Variants in FER observed in about 807,000 individuals in gnomAD.
FER encodes FER tyrosine kinase, also known as tyrosine-protein kinase Fer.
Under a neutral mutation model 111.0 loss-of-function variants are expected in FER, and 63 were observed. That is an observed-to-expected ratio of 0.57 (90% CI 0.46 to 0.70). FER has a LOEUF of 0.70. Among genes scored for constraint, FER ranks in the 30% least tolerant of loss-of-function variants. FER has a pLI of 0.00. For missense variants in FER, 914 were observed against 954.0 expected, an observed-to-expected ratio of 0.96 and a Z score of 0.55; for synonymous variants, 327 against 313.9, an observed-to-expected ratio of 1.04 and a Z score of -0.44.
chr5:109,112,115 G>T (rs2126414038), intron 17 of FER, among the ~76,000 whole-genome samples: 1 of 151,736 alleles, frequency 6.6e-6, no homozygotes, highest in South Asian at 2.1e-4. Context: ...GGGTTATAAT[G>T]TTAACCTACC....
rs185657250 is a variant in FER at position 109,190,470 on chromosome 5, G to A, written c.*2895G>A. 6.6e-6 allele frequency: 1 copy of A among 152,014 alleles called. No individual in the cohort carries two copies. Among genetic ancestry groups the A allele is most frequent in the Non-Finnish European group, 1.5e-5 (1 of 68,004 alleles). 9.4% of individuals were successfully genotyped at this position (152,014 alleles called of 1,614,324 possible). ...TCTGTGTCTCACTGGTCACTAAGGG[G>A]CCTTTATGAGACAGTTTAGGTTGTT... On this transcript the variant is annotated 3_prime_UTR_variant, in exon 20 of 20. Transcript: ENST00000281092.
At chr5:108,884,512 G>GTTTTTTTTTTTTTTTTTTTTT (rs776345488) in intron 9 of FER, among the ~76,000 whole-genome samples, 3 of 144,540 alleles carry the variant, frequency 2.1e-5, no homozygotes, top group African/African-American at 7.7e-5. Flanking sequence ...CTTATGCCTG[G>GTTTTTTTTTTTTTTTTTTTTT]TTTTTTTTTT....
chr5:108,929,206 CTGTT>C (rs1472771390), intron 10 of FER, among the ~76,000 whole-genome samples: 5 of 152,066 alleles, frequency 3.3e-5, no homozygotes, highest in Admixed American at 6.5e-5. Context: ...TAAAAACAGA[CTGTT>C]TGTTTTGTTT....
chr5:108,873,525 GA>G (rs1243839193), intron 8 of FER, among the ~76,000 whole-genome samples: 1 of 152,202 alleles, frequency 6.6e-6, no homozygotes, highest in Non-Finnish European at 1.5e-5. Flanking sequence ...TGTACAAGAT[GA>G]AGGCTTAGTA....
intron 13 of FER, among the ~76,000 whole-genome samples, chr5:109,009,717 C>G (rs1375818692): frequency 6.6e-6 from 1 of 152,162 alleles, no homozygotes; most frequent in Admixed American, 6.5e-5. Flanking sequence ...TTTTATGTTT[C>G]TCATGATTCT....
At chr5:108,986,238 G>A (rs1001602549) in intron 13 of FER, among the ~76,000 whole-genome samples, 3 of 149,778 alleles carry the variant, frequency 2.0e-5, no homozygotes, top group Non-Finnish European at 3.0e-5. Context: ...TATATCTTCT[G>A]TTGAGAATTG....
At chr5:109,104,020 T>TG (rs771726533) in intron 17 of FER, among the ~76,000 whole-genome samples, 28 of 152,298 alleles carry the variant, frequency 1.8e-4, no homozygotes, top group Non-Finnish European at 2.9e-4. Context: ...ATGGGGAGTT[T>TG]GGGGAACATT....
chr5:108,834,368 A>C (rs1760377009), intron 4 of FER, among the ~76,000 whole-genome samples: 1 of 152,130 alleles, frequency 6.6e-6, no homozygotes, highest in African/African-American at 2.4e-5. Context: ...AACTTGACTA[A>C]TTGGTTCCAG....
intron 8 of FER, among the ~76,000 whole-genome samples, chr5:108,878,695 A>T (rs1765341146): frequency 6.6e-6 from 1 of 152,174 alleles, no homozygotes; most frequent in South Asian, 2.1e-4. Flanking sequence ...ACAAACTTAC[A>T]AATACAAAAT....
intron 10 of FER, among the ~76,000 whole-genome samples, chr5:108,901,420 G>A: frequency 6.6e-6 from 1 of 152,006 alleles, no homozygotes. Flanking sequence ...TGGAGTATAA[G>A]GAAAAGTGCT....
At chr5:109,182,785 T>C (rs1758415491) in intron 18 of FER, among the ~76,000 whole-genome samples, 1 of 152,236 alleles carries the variant, frequency 6.6e-6, no homozygotes, top group Admixed American at 6.5e-5. Context: ...CAATTCTGGA[T>C]ATATCTAACA....
intron 17 of FER, among the ~76,000 whole-genome samples, chr5:109,136,708 A>C (rs1450011012): frequency 6.6e-6 from 1 of 152,086 alleles, no homozygotes; most frequent in Non-Finnish European, 1.5e-5. Context: ...AGCTTCATTC[A>C]AGGTTTTCTA....
At chr5:109,071,608 C>T (rs1238421852) in intron 16 of FER, among the ~76,000 whole-genome samples, 1 of 151,826 alleles carries the variant, frequency 6.6e-6, no homozygotes, top group Non-Finnish European at 1.5e-5. Context: ...TCCCACAAAT[C>T]AGTCTATAAC....
chr5:108,915,568 T>C (rs1752161420), intron 10 of FER, among the ~76,000 whole-genome samples: 1 of 151,900 alleles, frequency 6.6e-6, no homozygotes, highest in South Asian at 2.1e-4. Context: ...GCCTGAGCGT[T>C]GTTCTTATTC....
chr5:109,125,706 A>G (rs867291235), intron 17 of FER, among the ~76,000 whole-genome samples: 12 of 152,204 alleles, frequency 7.9e-5, no homozygotes, highest in African/African-American at 2.7e-4. Flanking sequence ...AGGTAACAGA[A>G]CTGGATTTTT....
intron 5 of FER, among the ~76,000 whole-genome samples, chr5:108,854,946 C>CAAAAA (rs34850507): frequency 8.2e-5 from 3 of 36,644 alleles, no homozygotes; most frequent in African/African-American, 1.9e-4. Flanking sequence ...GACCCTGTCT[C>CAAAAA]AAAAAAAAAA....
At chr5:109,024,335 C>A (rs1768358986) in intron 13 of FER, among the ~76,000 whole-genome samples, 1 of 152,142 alleles carries the variant, frequency 6.6e-6, no homozygotes, top group Non-Finnish European at 1.5e-5. Context: ...CTGTGTATTC[C>A]TTGAAGCCTG....
rs1765005557 is a variant in FER at position 109,003,006 on chromosome 5, T to C, written c.1657-34416T>C. 3.3e-5 allele frequency among the ~76,000 whole-genome samples: 5 copies of C among 152,288 alleles called. No homozygotes were observed. In the South Asian group the frequency reaches 1.0e-3, roughly 32 times the overall value. ...ATGTGGAGAAATAGGAACACTTTTT[T>C]ACACTGTTGGTGGGACTGTAAACTA... On this transcript the variant is annotated intron_variant, in intron 13 of 19. Transcript: ENST00000281092.
chr5:109,023,050 A>G (rs1434254668), intron 13 of FER, among the ~76,000 whole-genome samples: 3 of 152,094 alleles, frequency 2.0e-5, no homozygotes, highest in Non-Finnish European at 4.4e-5. Flanking sequence ...AATGTATGTA[A>G]AGGGAGGATG....
Sources: allele counts gnomAD v4.1 joint callset (sites outside exome capture counted in the v4.1 genomes callset), GRCh38; gene constraint gnomAD v4.1.1; transcripts MANE v1.5; gene names NCBI Gene and HGNC (gene_info 2026-07-23, HGNC 2026-07-21).